PLEKHA7: variants seen among roughly 807,000 people sequenced by gnomAD.
PLEKHA7 encodes pleckstrin homology domain-containing family A member 7.
In PLEKHA7, 104 loss-of-function variants were observed where a neutral mutation model predicts 170.0. The observed-to-expected ratio is 0.61, with a 90% CI of 0.52 to 0.72. The LOEUF (loss-of-function observed/expected upper bound fraction) is 0.72, where lower values mean the gene tolerates loss of function less well. Among genes scored for constraint, PLEKHA7 ranks in the 30% least tolerant of loss-of-function variants. The pLI is 0.00. For synonymous variants in PLEKHA7, 648 were observed against 660.8 expected (o/e 0.98, Z 0.30); for missense variants, 1,615 against 1,671.7 (o/e 0.97, Z 0.59).
At chr11:16,948,114 G>C (rs1861163185) in intron 3 of PLEKHA7, among the ~76,000 whole-genome samples, 1 of 152,078 alleles carries the variant, frequency 6.6e-6, no homozygotes, top group African/African-American at 2.4e-5. Context: ...TACATGTAGA[G>C]TGTAAAAAAG....
intron 3 of PLEKHA7, among the ~76,000 whole-genome samples, chr11:16,993,614 T>C (rs768596154): frequency 2.8e-4 from 43 of 152,178 alleles, no homozygotes; most frequent in Admixed American, 1.2e-3. Flanking sequence ...TGACACTAGA[T>C]TGCAGACCAT....
chr11:16,929,691 G>A (rs1219049914), intron 3 of PLEKHA7, among the ~76,000 whole-genome samples: 1 of 152,250 alleles, frequency 6.6e-6, no homozygotes, highest in African/African-American at 2.4e-5. Flanking sequence ...CCTCAGTGTA[G>A]GGGATTATTA....
At chr11:16,857,033 A>G (rs1383105001) in intron 4 of PLEKHA7, among the ~76,000 whole-genome samples, 1 of 152,206 alleles carries the variant, frequency 6.6e-6, no homozygotes, top group Admixed American at 6.5e-5. Flanking sequence ...CAACACTCAT[A>G]AAGTCCTTCA....
chr11:16,982,134 T>A (rs1863467499), intron 3 of PLEKHA7, among the ~76,000 whole-genome samples: 1 of 152,108 alleles, frequency 6.6e-6, no homozygotes, highest in South Asian at 2.1e-4. Context: ...GGAAAGTACT[T>A]TGGAAATATA....
In PLEKHA7 at chr11:16,818,695, A is replaced by C. The variant is rs574778734; in HGVS notation, c.1344-1373T>G. ...CGTGGTATTGTCCACAGTCTAAGAA[A>C]GTCCTGTGCGTAATTAGCCCTTCAA... On this transcript the variant is annotated intron_variant, in intron 10 of 26. Coordinates refer to ENST00000531066, the MANE Select transcript of PLEKHA7 (RefSeq NM_001329630.2). Among the ~76,000 whole-genome samples, 4 of 152,342 alleles carry C rather than the reference A, an allele frequency of 2.6e-5. No homozygotes were observed. In the South Asian group the frequency reaches 8.3e-4, roughly 32 times the overall value.
intron 3 of PLEKHA7, among the ~76,000 whole-genome samples, chr11:16,925,940 A>AGGACCTGC (rs1216524955): frequency 1.3e-5 from 2 of 152,242 alleles, no homozygotes; most frequent in Non-Finnish European, 2.9e-5. Context: ...GCGGAGGGGC[A>AGGACCTGC]GGACCTGCGG....
intron 3 of PLEKHA7, among the ~76,000 whole-genome samples, chr11:16,986,042 G>A (rs566032476): frequency 6.6e-6 from 1 of 152,342 alleles, no homozygotes; most frequent in East Asian, 1.9e-4. Context: ...GGATGGAAGG[G>A]GGCATTCCTA....
At chr11:16,865,345 C>T (rs407354) in intron 4 of PLEKHA7, among the ~76,000 whole-genome samples, 13,680 of 152,288 alleles carry the variant, frequency 0.09, 754 homozygotes, top group East Asian at 0.16. Flanking sequence ...GGGAACAAGG[C>T]TACAGAACCC....
chr11:16,814,518 G>A (rs563551256), intron 12 of PLEKHA7, among the ~76,000 whole-genome samples: 1 of 152,270 alleles, frequency 6.6e-6, no homozygotes, highest in African/African-American at 2.4e-5. Context: ...ATACCCGGGA[G>A]GGCAGCCCCC....
chr11:16,843,561 T>C (rs772340160), intron 8 of PLEKHA7, among the ~76,000 whole-genome samples: 5 of 152,268 alleles, frequency 3.3e-5, no homozygotes, highest in Non-Finnish European at 7.3e-5. Flanking sequence ...GCAAACCTGA[T>C]ATCCTTCCTT....
chr11:16,802,937 T>C, intron 15 of PLEKHA7, 35 bp downstream of exon 15: 1 of 1,522,780 alleles, frequency 6.6e-7, no homozygotes, highest in South Asian at 1.1e-5. Flanking sequence ...AATGTCCCTC[T>C]GCCCATTCCA....
At chr11:16,837,270 G>C (rs1440300332) in intron 9 of PLEKHA7, among the ~76,000 whole-genome samples, 4 of 152,140 alleles carry the variant, frequency 2.6e-5, no homozygotes, top group East Asian at 3.8e-4. Context: ...GAAAGGGGAG[G>C]AGCCCTTCCA....
chr11:16,921,392 CTG>C (rs2136241044), intron 3 of PLEKHA7, among the ~76,000 whole-genome samples: 1 of 152,316 alleles, frequency 6.6e-6, no homozygotes, highest in African/African-American at 2.4e-5. Flanking sequence ...CAAGAAGGCA[CTG>C]TGTCCATCAG....
chr11:16,822,399 T>C (rs1335387668), intron 10 of PLEKHA7, among the ~76,000 whole-genome samples: 6 of 149,180 alleles, frequency 4.0e-5, no homozygotes, highest in Non-Finnish European at 8.9e-5. Flanking sequence ...GGAAAAAGGG[T>C]TTCTGTTACT....
At position 16,826,114 on chromosome 11, in the gene PLEKHA7, A is replaced by G; in HGVS notation, c.1343+6T>C. 1 of 1,610,796 alleles carries G rather than the reference A, an allele frequency of 6.2e-7. No homozygotes were observed. Among genetic ancestry groups the G allele is most frequent in the East Asian group, 2.2e-5 (1 of 44,828 alleles). On this transcript the variant is annotated splice_donor_region_variant and intron_variant, in intron 10 of 26. Coordinates refer to ENST00000531066, the MANE Select transcript of PLEKHA7 (RefSeq NM_001329630.2). ...TATAAGCAGCGATCCTGAGTCTATT[A>G]CTCACCTCCTGCTATCCCCTTTCTG...
chr11:16,875,726 G>A (rs2030217266), intron 3 of PLEKHA7, among the ~76,000 whole-genome samples: 1 of 152,168 alleles, frequency 6.6e-6, no homozygotes, highest in South Asian at 2.1e-4. Context: ...TTACAGGTGT[G>A]AGCCACCGTG....
chr11:16,875,614 A>T (rs1855227848), intron 3 of PLEKHA7, among the ~76,000 whole-genome samples: 1 of 149,086 alleles, frequency 6.7e-6, no homozygotes, highest in African/African-American at 2.5e-5. Context: ...TGCCCGGCTA[A>T]TTTTTTTTTT....
intron 3 of PLEKHA7, among the ~76,000 whole-genome samples, chr11:17,008,692 A>G (rs1865155996): frequency 6.6e-6 from 1 of 152,208 alleles, no homozygotes; most frequent in Admixed American, 6.5e-5. Flanking sequence ...AGTGGGGAAT[A>G]AGATGCCTGC....
chr11:16,901,928 G>A (rs1437281411), intron 3 of PLEKHA7, among the ~76,000 whole-genome samples: 9 of 152,064 alleles, frequency 5.9e-5, no homozygotes, highest in Admixed American at 5.2e-4. Context: ...AGAGTTATAC[G>A]ATCATCACCC....
Sources: allele counts gnomAD v4.1 joint callset (sites outside exome capture counted in the v4.1 genomes callset), GRCh38; gene constraint gnomAD v4.1.1; transcripts MANE v1.5; gene names NCBI Gene and HGNC (gene_info 2026-07-23, HGNC 2026-07-21).